The following FGF14 variants were observed in gnomAD, a reference collection of about 807,000 sequenced individuals.
FGF14 encodes the protein fibroblast growth factor 14.
A neutral mutation model predicts 25.5 loss-of-function variants in FGF14; 5 were observed. The observed-to-expected ratio is 0.20, with a 90% CI of 0.10 to 0.41. The LOEUF is 0.41. Among genes scored for constraint, FGF14 ranks in the 10% least tolerant of loss-of-function variants. The pLI, the probability that FGF14 is intolerant of heterozygous loss-of-function variation, is 1.00. For synonymous variants in FGF14, 138 were observed against 118.3 expected, an observed-to-expected ratio of 1.17 and a Z score of -1.08; for missense variants, 222 against 320.1, an observed-to-expected ratio of 0.69 and a Z score of 2.34.
intron 1 of FGF14, among the ~76,000 whole-genome samples, chr13:102,230,076 T>A (rs1191265885): frequency 6.6e-6 from 1 of 152,064 alleles, no homozygotes; most frequent in Non-Finnish European, 1.5e-5. Flanking sequence ...GGGAGGAGAT[T>A]GGGTCAAGAG....
intron 1 of FGF14, among the ~76,000 whole-genome samples, chr13:101,910,837 C>CGTGTGTGTGTGTGTGTGTGTGT: frequency 7.7e-6 from 1 of 129,222 alleles, no homozygotes; most frequent in Non-Finnish European, 1.7e-5. Context: ...GATTTGGATT[C>CGTGTGTGTGTGTGTGTGTGTGT]GTGTGTGTGT....
intron 3 of FGF14, among the ~76,000 whole-genome samples, chr13:101,842,642 G>C (rs2043247449): frequency 6.6e-6 from 1 of 151,970 alleles, no homozygotes. Flanking sequence ...AATAGTAATA[G>C]TAACAGGAAA....
At chr13:102,103,612 C>T (rs1207277874) in intron 1 of FGF14, among the ~76,000 whole-genome samples, 1 of 152,130 alleles carries the variant, frequency 6.6e-6, no homozygotes. Flanking sequence ...TCACATGTAA[C>T]TTGCTACAAA....
rs565899456 is a variant in FGF14, at chr13:101,883,727, C to T, written c.194-8431G>A. On this transcript the variant is annotated intron_variant, in intron 1 of 4. Coordinates refer to ENST00000376143, the MANE Select transcript of FGF14 (RefSeq NM_004115.4). Reference sequence around the variant, plus strand: ...ATACTAACTCATTTAATATGCATAGCGACTTTTTGAGCTAGGTAGCATTAT... The same window carrying T: ...ATACTAACTCATTTAATATGCATAGTGACTTTTTGAGCTAGGTAGCATTAT... Among the ~76,000 whole-genome samples, 19 of 152,088 alleles carry T rather than the reference C, an allele frequency of 1.2e-4. No homozygotes were observed. The South Asian group carries it at 1.5e-3, about 12-fold the overall frequency.
At chr13:102,396,657 G>C (rs1200679227) in intron 1 of FGF14, among the ~76,000 whole-genome samples, 2 of 152,164 alleles carry the variant, frequency 1.3e-5, no homozygotes, top group East Asian at 1.9e-4. Context: ...TGCATCATTT[G>C]AACAAATTTT....
Position 101,722,962 on chromosome 13 carries a change from T to C in FGF14, c.613A>G (p.Met205Val), listed in dbSNP as rs780935477. 3 of 1,613,164 alleles carry C rather than the reference T, an allele frequency of 1.9e-6. No individual in the cohort carries two copies. Among genetic ancestry groups the C allele is most frequent in the African/African-American group, 1.3e-5 (1 of 74,842 alleles). The change falls in exon 5 of 5, where the codon ATG (methionine) becomes GTG (valine). Residue 205 changes from methionine (M) to valine (V), a missense_variant. Coordinates refer to ENST00000376143, the MANE Select transcript of FGF14 (RefSeq NM_004115.4). ...HFLPKPLEVA[M>V]YREPSLHDVG... ...TCATGCAAAGATGGTTCTCGGTACA[T>C]GGCAACTAGTGATGGGAAGAAAGGA...
At chr13:102,365,058 AT>A (rs1311952676) in intron 1 of FGF14, among the ~76,000 whole-genome samples, 1 of 152,144 alleles carries the variant, frequency 6.6e-6, no homozygotes, top group Non-Finnish European at 1.5e-5. Context: ...AGGTTTCTCC[AT>A]TGTGGGAATG....
At chr13:102,037,861 G>T (rs1427690137) in intron 1 of FGF14, among the ~76,000 whole-genome samples, 1 of 152,022 alleles carries the variant, frequency 6.6e-6, no homozygotes, top group African/African-American at 2.4e-5. Context: ...ACTCACTTCA[G>T]TACTCCCTAG....
chr13:102,134,370 G>A (rs1179342958), intron 1 of FGF14, among the ~76,000 whole-genome samples: 1 of 152,114 alleles, frequency 6.6e-6, no homozygotes, highest in Non-Finnish European at 1.5e-5. Flanking sequence ...AATGATACAG[G>A]TACTTTTCTG....
chr13:102,300,358 G>T (rs545576715), intron 1 of FGF14: 50 of 151,120 alleles, frequency 3.3e-4, no homozygotes, highest in African/African-American at 1.1e-3. Context: ...TCTATGCCTC[G>T]AGAATCTCAC....
At chr13:102,284,030 T>C (rs1391614871) in intron 1 of FGF14, among the ~76,000 whole-genome samples, 1 of 152,194 alleles carries the variant, frequency 6.6e-6, no homozygotes, top group Non-Finnish European at 1.5e-5. Flanking sequence ...TCCTTAATAT[T>C]CTACATTTCT....
At chr13:102,337,094 T>C (rs923510852) in intron 1 of FGF14, among the ~76,000 whole-genome samples, 1 of 152,172 alleles carries the variant, frequency 6.6e-6, no homozygotes, top group African/African-American at 2.4e-5. Context: ...AGTCTTATCC[T>C]TTAAGACCTA....
intron 4 of FGF14, among the ~76,000 whole-genome samples, chr13:101,724,010 C>G (rs2139667553): frequency 6.6e-6 from 1 of 152,050 alleles, no homozygotes; most frequent in East Asian, 1.9e-4. Flanking sequence ...ATCAATGCAT[C>G]ACGTGAGTTT....
intron 1 of FGF14, among the ~76,000 whole-genome samples, chr13:102,220,931 T>C (rs546501145): frequency 1.8e-4 from 27 of 152,314 alleles, no homozygotes; most frequent in African/African-American, 5.5e-4. Context: ...TTCCTCTTCC[T>C]GTCTGTAAAA....
At chr13:102,139,287 T>C (rs2140447983) in intron 1 of FGF14, among the ~76,000 whole-genome samples, 1 of 151,906 alleles carries the variant, frequency 6.6e-6, no homozygotes, top group Non-Finnish European at 1.5e-5. Context: ...GTAATCCCAG[T>C]TAATCGGGAG....
chr13:102,240,701 T>A (rs1019449345), intron 1 of FGF14, among the ~76,000 whole-genome samples: 2 of 151,638 alleles, frequency 1.3e-5, no homozygotes, highest in Non-Finnish European at 2.9e-5. Flanking sequence ...ACTAAAAGAG[T>A]ATAATTGGAA....
chr13:101,883,182 T>C (rs941179433), intron 1 of FGF14, among the ~76,000 whole-genome samples: 20 of 152,214 alleles, frequency 1.3e-4, no homozygotes, highest in African/African-American at 4.3e-4. Flanking sequence ...ACCAGTTATA[T>C]GCATCTCTAA....
intron 1 of FGF14, among the ~76,000 whole-genome samples, chr13:102,264,666 G>A (rs554436679): frequency 3.9e-4 from 59 of 152,294 alleles, no homozygotes; most frequent in African/African-American, 1.3e-3. Context: ...CTATCTGGGA[G>A]CTAAAGATGG....
At chr13:102,014,253 C>T (rs1455183402) in intron 1 of FGF14, among the ~76,000 whole-genome samples, 1 of 151,934 alleles carries the variant, frequency 6.6e-6, no homozygotes, top group Non-Finnish European at 1.5e-5. Flanking sequence ...AAAAAGACTT[C>T]TAAACATTTT....
Sources: allele counts gnomAD v4.1 joint callset (sites outside exome capture counted in the v4.1 genomes callset), GRCh38; gene constraint gnomAD v4.1.1; transcripts MANE v1.5; gene names NCBI Gene and HGNC (gene_info 2026-07-23, HGNC 2026-07-21).